ZNF235: variants seen among roughly 807,000 people sequenced by gnomAD.
The protein encoded by ZNF235 is zfp-93.
Under a neutral mutation model 29.4 loss-of-function variants are expected in ZNF235, and 25 were observed. The observed-to-expected ratio is 0.85, with a 90% CI of 0.62 to 1.19. The LOEUF is 1.19. Ranked by LOEUF, ZNF235 falls within the 50% of genes most tolerant of loss-of-function variation. The probability of loss-of-function intolerance (pLI) is 0.00; values close to 1 mark genes in which losing one functional copy is unlikely to be tolerated. For synonymous variants in ZNF235, 300 were observed against 295.3 expected, an observed-to-expected ratio of 1.02 and a Z score of -0.16; for missense variants, 788 against 885.0, an observed-to-expected ratio of 0.89 and a Z score of 1.39.
In ZNF235 at chr19:44,287,393, T is replaced by C; in HGVS notation, c.2042A>G (p.Lys681Arg). ...SAHQRVHTGE[K>R]PYTCQQCGKG... ...CCCACACTGCTGACACGTATAGGGT[T>C]TCTCTCCTGTGTGGACCCTCTGATG... The change falls in exon 5 of 5, where the codon AAA (lysine) becomes AGA (arginine). Residue 681 changes from lysine to arginine, a missense_variant. Transcript: ENST00000291182. The C allele has an allele frequency of 6.2e-7, 1 of 1,613,924 alleles. No homozygotes were observed. The highest frequency in any genetic ancestry group is 8.5e-7 in the Non-Finnish European group (1 of 1,179,970).
Position 44,288,186 on chromosome 19 carries a change from G to T in ZNF235, c.1249C>A (p.His417Asn), listed in dbSNP as rs1253079261. The T allele has an allele frequency of 6.2e-7, 1 of 1,613,284 alleles. No homozygotes were observed. Among genetic ancestry groups the T allele is most frequent in the South Asian group, 1.1e-5 (1 of 91,020 alleles). Residue 417 changes from histidine to asparagine, a missense_variant, in exon 5 of 5, where the codon CAT becomes AAT. His to Asn is a moderately conservative substitution (Grantham distance 68). Transcript: ENST00000291182. ...TGAATTCTTTCATGGGCCTGAAGAT[G>T]TGATCTCTGAGTGAAGCCCTTCCCA... is the stretch of plus-strand genomic sequence containing the variant. The part of the protein sequence containing the change: ...VCGKGFTQRS[H>N]LQAHERIHTG...
chr19:44,288,614 T>C lies in ZNF235; in HGVS notation c.821A>G (p.Asp274Gly). 6.2e-7 allele frequency: 1 copy of C among 1,614,114 alleles called. No individual in the cohort carries two copies. Among genetic ancestry groups the C allele is most frequent in the East Asian group, 2.2e-5 (1 of 44,884 alleles). ...QGNECEEAFN[D>G]SSSLELHKQV... Reference sequence around the variant, plus strand: ...TTTATGAAGTTCAAGACTGGAGCTATCATTGAAGGCTTCTTCACATTCATT... The same window carrying C: ...TTTATGAAGTTCAAGACTGGAGCTACCATTGAAGGCTTCTTCACATTCATT... Residue 274 changes from aspartate (D) to glycine (G), a missense_variant, in exon 5 of 5, where the codon GAT becomes GGT. Transcript: ENST00000291182.
chr19:44,289,709 G>C (rs1472410890), intron 4 of ZNF235: 2 of 152,328 alleles, frequency 1.3e-5, no homozygotes, highest in African/African-American at 4.8e-5. Context: ...ATCTCAGTAA[G>C]TACTTAGAAA....
intron 4 of ZNF235, among the ~76,000 whole-genome samples, chr19:44,293,660 A>G (rs555603861): frequency 3.3e-5 from 5 of 152,258 alleles, no homozygotes; most frequent in East Asian, 1.9e-4. Context: ...AAGATAGAAC[A>G]TATGTTAGGT....
At chr19:44,294,627 C>T (rs1323861674) in intron 4 of ZNF235, among the ~76,000 whole-genome samples, 1 of 152,054 alleles carries the variant, frequency 6.6e-6, no homozygotes, top group Non-Finnish European at 1.5e-5. Flanking sequence ...AAGAAAACTA[C>T]AGAGCAATAT....
intron 4 of ZNF235, among the ~76,000 whole-genome samples, chr19:44,294,313 C>T (rs890150109): frequency 6.6e-6 from 1 of 151,974 alleles, no homozygotes; most frequent in Non-Finnish European, 1.5e-5. Context: ...AAATGAATTC[C>T]TGGAAACATA....
rs1055429547 is a variant in ZNF235, at chr19:44,289,096, C to T, written c.339G>A (p.Ala113=). The change falls in exon 5 of 5, where the codon GCG becomes GCA. Residue 113 remains alanine, a synonymous_variant. Transcript: ENST00000291182. ...AGTCTTGACTTCTGGCTAATTTGCT[C>T]GCAATGTGTCTCTTGATTTGCCAGC... ...LSCWQIKRHI[A]SKLARSQDSM... 9 of 1,614,058 alleles carry T rather than the reference C, an allele frequency of 5.6e-6. No homozygotes were observed. The East Asian group carries it at 1.6e-4, about 28-fold the overall frequency.
In ZNF235 at chr19:44,287,301, T is replaced by C. The variant is rs773860884; in HGVS notation, c.2134A>G (p.Ile712Val). 124 of 1,612,846 alleles carry C rather than the reference T, an allele frequency of 7.7e-5. 1 individual carries two copies. The highest frequency in any genetic ancestry group is 9.8e-5 in the Non-Finnish European group (115 of 1,179,478). ...AAGCCCTTACAACAGACATCACATA[T>C]GTAAGGCCTCTCTCCAGTGTGGACT... ...QRVHTGERPY[I>V]CDVCCKGFSQ... is the part of the protein sequence containing the mutation. Residue 712 changes from isoleucine (I) to valine (V), a missense_variant, in exon 5 of 5, where the codon ATA becomes GTA. Coordinates refer to ENST00000291182, the MANE Select transcript of ZNF235 (RefSeq NM_004234.4).
chr19:44,289,360 G>C (rs1483719076), intron 4 of ZNF235, 164 bp from the exon 5 acceptor site: 1 of 619,582 alleles, frequency 1.6e-6, no homozygotes, highest in East Asian at 2.9e-5. Context: ...GCAACCAAGA[G>C]AACACCAAAT....
At chr19:44,290,022 T>C (rs573417728) in intron 4 of ZNF235, 29 of 152,326 alleles carry the variant, frequency 1.9e-4, no homozygotes, top group African/African-American at 6.7e-4. Flanking sequence ...CCCTGGCCCC[T>C]TGGGGGTCAG....
chr19:44,288,524 G>C lies in ZNF235; in HGVS notation c.911C>G (p.Ser304Ter). ...AACACTTTGTTGAACAGGAATACCT[G>C]AGCTATAACTGGTGTCCTTCTCATG... Reference protein sequence around the residue: ...STHEKDTSYSSGIPVQQSVRT... With the variant: ...STHEKDTSYS Residue 304 changes from serine (S) to a stop codon, truncating the protein, a stop_gained, in exon 5 of 5, where the codon TCA (serine) becomes TGA (stop). Transcript: ENST00000291182. LOFTEE classifies it low-confidence loss of function (END_TRUNC). 6.2e-7 allele frequency: 1 copy of C among 1,614,100 alleles called. No individual in the cohort carries two copies. The highest frequency in any genetic ancestry group is 1.1e-5 in the South Asian group (1 of 91,080).
intron 4 of ZNF235, among the ~76,000 whole-genome samples, chr19:44,298,398 CTT>C (rs369962631): frequency 2.1e-5 from 3 of 145,122 alleles, no homozygotes; most frequent in African/African-American, 2.5e-5. Flanking sequence ...TGTTTTCATT[CTT>C]TTTTTTTTTT....
chr19:44,304,988 C>T lies in ZNF235; in HGVS notation c.-66G>A, dbSNP rs1975811047. 2.1e-6 allele frequency: 2 copies of T among 973,394 alleles called. No individual in the cohort carries two copies. Among genetic ancestry groups the T allele is most frequent in the South Asian group, 4.7e-5 (1 of 21,056 alleles). 60.3% of individuals were successfully genotyped at this position (973,394 alleles called of 1,614,324 possible). On this transcript the variant is annotated 5_prime_UTR_variant, in exon 1 of 5. Coordinates refer to ENST00000291182, the MANE Select transcript of ZNF235 (RefSeq NM_004234.4). ...TGACTCACCTCCCTGGGAGATATCT[C>T]AGATCCGACCTCGCCTTCCTGGAGC...
intron 4 of ZNF235, among the ~76,000 whole-genome samples, chr19:44,295,476 A>G (rs1402424660): frequency 2.0e-5 from 3 of 152,138 alleles, no homozygotes; most frequent in African/African-American, 4.8e-5. Context: ...TCCCATGTTC[A>G]TGGATCGGCA....
chr19:44,302,604 A>G (rs1018802671), intron 2 of ZNF235, among the ~76,000 whole-genome samples: 6 of 151,568 alleles, frequency 4.0e-5, no homozygotes, highest in African/African-American at 1.5e-4. Flanking sequence ...TACTAAAAAT[A>G]ATTAGCTGGT....
chr19:44,304,806 C>T (rs1204829112), intron 1 of ZNF235, 165 bp downstream of exon 1: 1 of 985,380 alleles, frequency 1.0e-6, no homozygotes, highest in Non-Finnish European at 1.2e-6. Flanking sequence ...CCGCCTCCCA[C>T]GCAAGAGGTT....
Position 44,287,131 on chromosome 19 carries a change from AG to A in ZNF235, c.*86del, listed in dbSNP as rs1303757168. The A allele has an allele frequency of 3.6e-6, 5 of 1,375,634 alleles. No homozygotes were observed. The highest frequency in any genetic ancestry group is 4.9e-6 in the Non-Finnish European group (5 of 1,022,832). 85.2% of individuals were successfully genotyped at this position (1,375,634 alleles called of 1,614,324 possible). A position where few individuals can be genotyped will look rare whatever the true frequency, so the allele number is the denominator to read the frequency against. ...GATTCTTTGAAGCTTCTAGTTTTAA[AG>A]GAACTTTTCACAATCATCAGCATGG... On this transcript the variant is annotated 3_prime_UTR_variant, in exon 5 of 5. Transcript: ENST00000291182.
chr19:44,293,685 C>T (rs1300620044), intron 4 of ZNF235, among the ~76,000 whole-genome samples: 1 of 152,048 alleles, frequency 6.6e-6, no homozygotes, highest in African/African-American at 2.4e-5. Context: ...AAAAAAGTCT[C>T]AATACATTTT....
At position 44,287,692 on chromosome 19, in the gene ZNF235, A is replaced by AAT; in HGVS notation, c.1742_1743insAT (p.Ser581ArgfsTer68). The stretch of plus-strand genomic sequence containing the variant: ...GATGGGCTTGAAGATTTGAAGCCTG[A>AAT]CTGAAACCCTTACCACACTCTTCAC... On this transcript the variant is annotated frameshift_variant, in exon 5 of 5. Transcript: ENST00000291182. LOFTEE classifies it high-confidence loss of function. 1 of 1,612,812 alleles carries AAT rather than the reference A, an allele frequency of 6.2e-7. No individual in the cohort carries two copies. The highest frequency in any genetic ancestry group is 8.5e-7 in the Non-Finnish European group (1 of 1,179,638).
Sources: allele counts gnomAD v4.1 joint callset (sites outside exome capture counted in the v4.1 genomes callset), GRCh38; gene constraint gnomAD v4.1.1; transcripts MANE v1.5; gene names NCBI Gene and HGNC (gene_info 2026-07-23, HGNC 2026-07-21).